The following ARHGAP24 variants were observed in gnomAD, a reference collection of about 807,000 sequenced individuals.
ARHGAP24 encodes the protein Rho GTPase activating protein 24.
Under a neutral mutation model 76.4 loss-of-function variants are expected in ARHGAP24, and 50 were observed. That is an observed-to-expected ratio of 0.65 (90% CI 0.52 to 0.83). The LOEUF (loss-of-function observed/expected upper bound fraction) is 0.83, where lower values mean the gene tolerates loss of function less well. ARHGAP24 is among the 40% of genes least tolerant of loss of function. The pLI is 0.00. For missense variants in ARHGAP24, 930 were observed against 914.2 expected, an observed-to-expected ratio of 1.02 and a Z score of -0.22; for synonymous variants, 345 against 323.3, an observed-to-expected ratio of 1.07 and a Z score of -0.72.
At chr4:85,671,344 T>C (rs6858779) in intron 2 of ARHGAP24, among the ~76,000 whole-genome samples, 3,658 of 152,260 alleles carry the variant, frequency 0.024, 143 homozygotes, top group African/African-American at 0.083. Context: ...CCTCTATATT[T>C]TAACCACAGG....
intron 3 of ARHGAP24, among the ~76,000 whole-genome samples, chr4:85,840,360 C>G (rs967807324): frequency 1.3e-5 from 2 of 152,144 alleles, no homozygotes; most frequent in African/African-American, 2.4e-5. Flanking sequence ...ATTTTACATC[C>G]TGCCTTTAAG....
intron 3 of ARHGAP24, among the ~76,000 whole-genome samples, chr4:85,871,097 C>G (rs1006238175): frequency 3.9e-5 from 6 of 151,986 alleles, no homozygotes; most frequent in Non-Finnish European, 8.8e-5. Flanking sequence ...AATTGATTTT[C>G]TCATCTGTTC....
At chr4:85,850,369 A>G (rs957615098) in intron 3 of ARHGAP24, among the ~76,000 whole-genome samples, 20 of 152,024 alleles carry the variant, frequency 1.3e-4, no homozygotes, top group Non-Finnish European at 2.8e-4. Flanking sequence ...CTAGCAGTCT[A>G]TCAATTTTGT....
chr4:85,835,170 C>T (rs989017022), intron 3 of ARHGAP24, among the ~76,000 whole-genome samples: 4 of 151,938 alleles, frequency 2.6e-5, no homozygotes, highest in Admixed American at 2.0e-4. Context: ...TCACTCTTGC[C>T]GACACCCTTT....
intron 3 of ARHGAP24, among the ~76,000 whole-genome samples, chr4:85,727,202 A>C (rs894855800): frequency 6.6e-6 from 1 of 152,110 alleles, no homozygotes; most frequent in African/African-American, 2.4e-5. Flanking sequence ...CCTGGGTGAC[A>C]GAGTGAGACT....
In ARHGAP24 at chr4:85,590,880, CT is replaced by C. The variant is rs201417327; in HGVS notation, c.180+20163del. Among the ~76,000 whole-genome samples, 801 of 151,770 alleles carry C rather than the reference CT, an allele frequency of 5.3e-3. 8 individuals carry two copies. Among genetic ancestry groups the C allele is most frequent in the African/African-American group, 0.018 (731 of 41,382 alleles). Reference sequence around the variant, plus strand: ...CACTTTTTAAAGAAATTTGTCATGACTTTTAAAAATATGTACAGGAAAAAAA... The same window carrying C: ...CACTTTTTAAAGAAATTTGTCATGACTTTAAAAATATGTACAGGAAAAAAA... On this transcript the variant is annotated intron_variant, in intron 2 of 9. Coordinates refer to ENST00000395184, the MANE Select transcript of ARHGAP24 (RefSeq NM_001025616.3).
chr4:85,572,957 A>G lies in ARHGAP24; in HGVS notation c.180+2236A>G, dbSNP rs560353796. 8.1e-5 allele frequency among the ~76,000 whole-genome samples: 12 copies of G among 148,096 alleles called. No homozygotes were observed. In the South Asian group the frequency reaches 2.6e-3, roughly 32 times the overall value. ...GGTGGTGCGATCTCGGCTCACTGCA[A>G]CCTCTGCCTCCTGGGTTCAAGCGAT... On this transcript the variant is annotated intron_variant, in intron 2 of 9. Transcript: ENST00000395184.
chr4:85,502,256 G>A (rs1437385419), intron 1 of ARHGAP24, among the ~76,000 whole-genome samples: 1 of 152,114 alleles, frequency 6.6e-6, no homozygotes, highest in Non-Finnish European at 1.5e-5. Context: ...CCAATTCTGT[G>A]AAGAAAGTCA....
intron 3 of ARHGAP24, among the ~76,000 whole-genome samples, chr4:85,861,384 G>T (rs2110176781): frequency 6.6e-6 from 1 of 152,214 alleles, no homozygotes; most frequent in Admixed American, 6.5e-5. Context: ...CTTAGTCAAA[G>T]CGTACGTTTT....
intron 3 of ARHGAP24, among the ~76,000 whole-genome samples, chr4:85,910,630 C>T (rs148061153): frequency 4.7e-4 from 72 of 152,236 alleles, no homozygotes; most frequent in African/African-American, 1.6e-3. Context: ...TGTTGCTCCT[C>T]TCTGCAGCTG....
At chr4:85,586,258 T>C (rs939561004) in intron 2 of ARHGAP24, among the ~76,000 whole-genome samples, 1 of 152,208 alleles carries the variant, frequency 6.6e-6, no homozygotes, top group Non-Finnish European at 1.5e-5. Context: ...AGTAAGATTC[T>C]GTGATTCAAG....
intron 4 of ARHGAP24, among the ~76,000 whole-genome samples, chr4:85,938,219 C>T (rs952472106): frequency 6.6e-6 from 1 of 152,148 alleles, no homozygotes; most frequent in Non-Finnish European, 1.5e-5. Context: ...TGTACTTTCA[C>T]AGGGAGGGGA....
intron 3 of ARHGAP24, among the ~76,000 whole-genome samples, chr4:85,921,172 C>T (rs1371296239): frequency 1.3e-5 from 2 of 151,988 alleles, no homozygotes; most frequent in South Asian, 2.1e-4. Context: ...ATGTGTTACA[C>T]GTACACCACG....
intron 2 of ARHGAP24, among the ~76,000 whole-genome samples, chr4:85,678,077 A>T (rs1210014935): frequency 2.0e-5 from 3 of 152,154 alleles, no homozygotes; most frequent in Non-Finnish European, 4.4e-5. Context: ...TTTTAAAAAA[A>T]GGCTATTCCT....
At chr4:85,637,358 A>T (rs1330912616) in intron 2 of ARHGAP24, among the ~76,000 whole-genome samples, 1 of 152,130 alleles carries the variant, frequency 6.6e-6, no homozygotes, top group East Asian at 1.9e-4. Flanking sequence ...TTTGACAACA[A>T]ATAAAGGGTG....
At chr4:85,653,229 T>C (rs906791228) in intron 2 of ARHGAP24, among the ~76,000 whole-genome samples, 1 of 152,112 alleles carries the variant, frequency 6.6e-6, no homozygotes, top group East Asian at 1.9e-4. Flanking sequence ...CCAGAATATA[T>C]CATTGTTCTA....
rs533618659 is a variant in ARHGAP24, at chr4:85,744,734, C to T, written c.268+22762C>T. Among the ~76,000 whole-genome samples the T allele has an allele frequency of 2.6e-5, 4 of 152,296 alleles. No homozygotes were observed. The South Asian group carries it at 8.3e-4, about 32-fold the overall frequency. On this transcript the variant is annotated intron_variant, in intron 3 of 9. Transcript: ENST00000395184. ...CCAGAACAACTTGTAACAAAAGAGA[C>T]TTGAATCATCTTTCATATTGGTTTG...
At chr4:85,643,702 C>A (rs1424404070) in intron 2 of ARHGAP24, among the ~76,000 whole-genome samples, 1 of 151,980 alleles carries the variant, frequency 6.6e-6, no homozygotes, top group Non-Finnish European at 1.5e-5. Flanking sequence ...CAGGGGAGTG[C>A]AAGTTTACAA....
intron 3 of ARHGAP24, among the ~76,000 whole-genome samples, chr4:85,787,650 C>T (rs10033293): frequency 0.26 from 39,423 of 152,030 alleles, 5,390 homozygotes; most frequent in African/African-American, 0.3. Flanking sequence ...TTTCTTTACC[C>T]TACCACTAAG....
Sources: allele counts gnomAD v4.1 joint callset (sites outside exome capture counted in the v4.1 genomes callset), GRCh38; gene constraint gnomAD v4.1.1; transcripts MANE v1.5; gene names NCBI Gene and HGNC (gene_info 2026-07-23, HGNC 2026-07-21).